Variants in PLEKHG7 observed in about 807,000 individuals in gnomAD.
PLEKHG7 encodes the protein pleckstrin homology and RhoGEF domain containing G7.
In PLEKHG7, 77 loss-of-function variants were observed where a neutral mutation model predicts 85.2. That is an observed-to-expected ratio of 0.90 (90% confidence interval 0.75 to 1.09). The LOEUF (loss-of-function observed/expected upper bound fraction) is 1.09. Among genes scored for constraint, PLEKHG7 ranks in the 50% least tolerant of loss-of-function variants. The probability of loss-of-function intolerance (pLI) is 0.00; values close to 1 mark genes in which losing one functional copy is unlikely to be tolerated. For missense variants in PLEKHG7, 777 were observed against 804.3 expected (o/e 0.97, Z 0.41); for synonymous variants, 301 against 302.4 (o/e 1.00, Z 0.05).
At chr12:92,717,518 A>G (rs1871523518) in intron 3 of PLEKHG7, among the ~76,000 whole-genome samples, 1 of 152,192 alleles carries the variant, frequency 6.6e-6, no homozygotes, top group African/African-American at 2.4e-5. Context: ...GTGGAGACAC[A>G]AATACAGTCA....
chr12:92,736,402 C>A (rs372354456), intron 5 of PLEKHG7, 80 bp from the exon 6 acceptor site: 4 of 877,288 alleles, frequency 4.6e-6, no homozygotes, highest in Non-Finnish European at 6.0e-6. Context: ...AGGGAATGAA[C>A]GAAAGATGCC....
rs1488309767 is a variant in PLEKHG7 at position 92,754,263 on chromosome 12, C to T, written c.1425C>T (p.Ile475=). Residue 475 remains isoleucine, a splice_region_variant and synonymous_variant, in exon 11 of 17, where the codon ATC becomes ATT. Coordinates refer to ENST00000344636, the MANE Select transcript of PLEKHG7 (RefSeq NM_001377329.1). ...YSIKEKVEKS[I]RDLEGKVKWL... Reference sequence around the variant, plus strand: ...TCAAGGAAAAGGTGGAAAAGTCCATCCGTAAGTCCCTGAGATAAGTGAGCT... The same window carrying T: ...TCAAGGAAAAGGTGGAAAAGTCCATTCGTAAGTCCCTGAGATAAGTGAGCT... 1.2e-6 allele frequency: 2 copies of T among 1,613,354 alleles called. No homozygotes were observed. Among genetic ancestry groups the T allele is most frequent in the Non-Finnish European group, 1.7e-6 (2 of 1,179,554 alleles).
intron 3 of PLEKHG7, among the ~76,000 whole-genome samples, chr12:92,717,359 G>A (rs191878928): frequency 4.6e-4 from 70 of 152,234 alleles, no homozygotes; most frequent in Admixed American, 2.1e-3. Context: ...AGTCATCTGG[G>A]GTTACCAATA....
chr12:92,760,291 C>A (rs1872949651), intron 13 of PLEKHG7, among the ~76,000 whole-genome samples: 1 of 151,986 alleles, frequency 6.6e-6, no homozygotes, highest in Admixed American at 6.6e-5. Flanking sequence ...GAAGTCTTTG[C>A]CACAACTTGA....
At chr12:92,730,420 G>A (rs1871948958) in intron 4 of PLEKHG7, among the ~76,000 whole-genome samples, 1 of 152,212 alleles carries the variant, frequency 6.6e-6, no homozygotes, top group Non-Finnish European at 1.5e-5. Flanking sequence ...CTGAGAAGTT[G>A]TTAGAAATGC....
intron 13 of PLEKHG7, 131 bp from the exon 14 acceptor site, chr12:92,761,619 GAA>G (rs1873000873): frequency 2.0e-6 from 2 of 993,322 alleles, no homozygotes; most frequent in African/African-American, 4.3e-5. Flanking sequence ...AAGAAAGAAA[GAA>G]AGAAGAAAGA....
At chr12:92,717,873 T>G (rs573769813) in intron 3 of PLEKHG7, among the ~76,000 whole-genome samples, 1 of 152,332 alleles carries the variant, frequency 6.6e-6, no homozygotes, top group Admixed American at 6.5e-5. Flanking sequence ...GTAGTGTTCC[T>G]CTCACAGGTC....
chr12:92,707,820 AG>A, intron 3 of PLEKHG7, 148 bp downstream of exon 3: 1 of 1,351,006 alleles, frequency 7.4e-7, no homozygotes, highest in Non-Finnish European at 1.0e-6. Flanking sequence ...TCGCATTTAT[AG>A]GTGCACGAGT....
rs77970000 is a variant in PLEKHG7, at chr12:92,706,567, A to G, written c.-65A>G. On this transcript the variant is annotated 5_prime_UTR_variant, in exon 2 of 17. It removes the in-frame stop codon of an upstream open reading frame in the 5' UTR. Transcript: ENST00000344636. ...GCAGAAATTGAGCACCCTCCATGTG[A>G]TCCAGAGAACAGCAACTCATACGTC... The G allele has an allele frequency of 2.6e-3, 3,862 of 1,513,980 alleles. 79 individuals are homozygous for G. In the African/African-American group the frequency reaches 0.049, roughly 19 times the overall value. 93.8% of individuals were successfully genotyped at this position (1,513,980 alleles called of 1,614,324 possible).
intron 9 of PLEKHG7, 96 bp from the exon 10 acceptor site, chr12:92,745,382 T>C: frequency 1.2e-6 from 1 of 813,018 alleles, no homozygotes; most frequent in Non-Finnish European, 2.1e-6. Flanking sequence ...TTTTCCCTGT[T>C]CTAGTTAATG....
At chr12:92,720,243 T>C (rs1871599615) in intron 3 of PLEKHG7, among the ~76,000 whole-genome samples, 2 of 152,278 alleles carry the variant, frequency 1.3e-5, no homozygotes, top group African/African-American at 4.8e-5. Context: ...TTCATTGGCT[T>C]GTGGCTGCCT....
Position 92,745,468 on chromosome 12 carries a change from T to A in PLEKHG7, c.1138-10T>A, listed in dbSNP as rs1386880763. 1 of 1,580,912 alleles carries A rather than the reference T, an allele frequency of 6.3e-7. No individual in the cohort carries two copies. Among genetic ancestry groups the A allele is most frequent in the South Asian group, 1.1e-5 (1 of 90,370 alleles). Reference sequence around the variant, plus strand: ...GTGTTCATCCTCCTTCTGCTCTTCCTTTCTTGCAGTATTTCCGAGGGAGTC... The same window carrying A: ...GTGTTCATCCTCCTTCTGCTCTTCCATTCTTGCAGTATTTCCGAGGGAGTC... On this transcript the variant is annotated splice_polypyrimidine_tract_variant and intron_variant, in intron 9 of 16. Transcript: ENST00000344636.
At chr12:92,720,323 C>CTT (rs36081838) in intron 3 of PLEKHG7, among the ~76,000 whole-genome samples, 57 of 146,892 alleles carry the variant, frequency 3.9e-4, no homozygotes, top group Admixed American at 7.4e-4. Flanking sequence ...CTCTTAGTGT[C>CTT]TTTTTTTTTT....
chr12:92,730,345 C>A (rs964873565), intron 4 of PLEKHG7, among the ~76,000 whole-genome samples: 1 of 152,158 alleles, frequency 6.6e-6, no homozygotes, highest in Non-Finnish European at 1.5e-5. Context: ...AGAATGCTGT[C>A]AATTAGTTAA....
chr12:92,737,342 GA>G, intron 6 of PLEKHG7, 35 bp from the exon 7 acceptor site: 1 of 1,380,410 alleles, frequency 7.2e-7, no homozygotes. Context: ...CACTGAGGTG[GA>G]AATGTTTTGT....
chr12:92,733,142 G>A (rs967258911), intron 5 of PLEKHG7, among the ~76,000 whole-genome samples: 2 of 152,162 alleles, frequency 1.3e-5, no homozygotes, highest in Admixed American at 6.5e-5. Flanking sequence ...GCCCTCTGAA[G>A]TTCTAATTCT....
At chr12:92,715,481 GAAAACA>G (rs925621182) in intron 3 of PLEKHG7, among the ~76,000 whole-genome samples, 18 of 151,958 alleles carry the variant, frequency 1.2e-4, no homozygotes, top group African/African-American at 2.7e-4. Context: ...AACAAGAACT[GAAAACA>G]AAAACAAAAA....
At chr12:92,757,792 G>A (rs1230958007) in intron 13 of PLEKHG7, among the ~76,000 whole-genome samples, 1 of 152,170 alleles carries the variant, frequency 6.6e-6, no homozygotes, top group African/African-American at 2.4e-5. Context: ...AAACCAAACA[G>A]AAGGACCCAG....
At position 92,732,233 on chromosome 12, in the gene PLEKHG7, A is replaced by T; in HGVS notation, c.659A>T (p.Glu220Val). The T allele has an allele frequency of 8.1e-7, 1 of 1,230,658 alleles. No individual in the cohort carries two copies. The highest frequency in any genetic ancestry group is 4.1e-5 in the South Asian group (1 of 24,294). 76.2% of individuals were successfully genotyped at this position (1,230,658 alleles called of 1,614,324 possible). A position where few individuals can be genotyped will look rare whatever the true frequency, so the allele number is the denominator to read the frequency against. Reference protein sequence around the residue: ...LCHPLLLLNSESKKPRWPFSK... With the variant: ...LCHPLLLLNSVSKKPRWPFSK... ...ATATATTGTCTTTAATTTCACCCAG[A>T]ATCCAAAAAGCCAAGATGGCCTTTC... Residue 220 changes from glutamate to valine, a missense_variant and splice_region_variant, in exon 5 of 17, where the codon GAA (glutamate) becomes GTA (valine). Glu to Val is a moderately radical substitution (Grantham distance 121). Coordinates refer to ENST00000344636, the MANE Select transcript of PLEKHG7 (RefSeq NM_001377329.1).
Sources: gnomAD v4.1 joint callset for allele counts (sites outside exome capture counted in the v4.1 genomes callset) on GRCh38, gnomAD v4.1.1 for gene constraint, MANE v1.5 for transcripts, NCBI Gene and HGNC (gene_info 2026-07-23, HGNC 2026-07-21) for gene names.